Variants in SMOX observed in about 807,000 individuals in gnomAD.
SMOX encodes the protein spermine oxidase.
SMOX carries 22 observed loss-of-function variants against 51.0 expected under a neutral mutation model. The observed-to-expected ratio is 0.43, with a 90% CI of 0.31 to 0.62. The LOEUF (loss-of-function observed/expected upper bound fraction) is 0.62. Ranked by LOEUF, SMOX falls within the 20% of genes least tolerant of loss-of-function variation. The pLI is 0.10. For missense variants in SMOX, 566 were observed against 777.7 expected, an observed-to-expected ratio of 0.73 and a Z score of 3.24; for synonymous variants, 282 against 307.8, an observed-to-expected ratio of 0.92 and a Z score of 0.88.
At chr20:4,156,120 G>A (rs567793633) in intron 1 of SMOX, among the ~76,000 whole-genome samples, 5 of 152,304 alleles carry the variant, frequency 3.3e-5, no homozygotes, top group African/African-American at 9.6e-5. Context: ...ACTACCCTAC[G>A]GGAGATTCAG....
chr20:4,155,689 C>T (rs544633959), intron 1 of SMOX, among the ~76,000 whole-genome samples: 15 of 152,148 alleles, frequency 9.9e-5, no homozygotes, highest in South Asian at 2.1e-4. Flanking sequence ...AAAAACCATC[C>T]GGGTTGTTTT....
rs1294007935 is a variant in SMOX at position 4,177,673 on chromosome 20, A to G, written c.435+96A>G. On this transcript the variant is annotated intron_variant, in intron 3 of 6. Coordinates refer to ENST00000305958, the MANE Select transcript of SMOX (RefSeq NM_175839.3). This position sits in a 1 kb window ranked among gnomAD's most constrained non-coding sequence, Gnocchi z 4.3. ...TCTCTGCACACTCCCTGGGCCTTGC[A>G]TTTGGAAAACCAGGATAATGTGAGG... 8.6e-7 allele frequency: 1 copy of G among 1,163,364 alleles called. No homozygotes were observed. Among genetic ancestry groups the G allele is most frequent in the African/African-American group, 1.5e-5 (1 of 65,400 alleles). 72.1% of individuals were successfully genotyped at this position (1,163,364 alleles called of 1,614,324 possible).
rs528937966 is a variant in SMOX at position 4,186,563 on chromosome 20, C to T, written c.1531-707C>T. 2.0e-3 allele frequency among the ~76,000 whole-genome samples: 309 copies of T among 152,308 alleles called. 2 individuals are homozygous for T. The highest frequency in any genetic ancestry group is 7.1e-3 in the African/African-American group (293 of 41,560). On this transcript the variant is annotated intron_variant, in intron 6 of 6. Transcript: ENST00000305958. ...TTCCCTCTGTCTGAAATGTCCTTTG[C>T]CTGTCCGTTCACTCAGCATCTTCCG...
intron 1 of SMOX, among the ~76,000 whole-genome samples, chr20:4,151,182 G>A (rs1484457190): frequency 6.6e-6 from 1 of 152,024 alleles, no homozygotes; most frequent in African/African-American, 2.4e-5. Flanking sequence ...TCCACCAAGA[G>A]CAAGTCCTTT....
In SMOX at chr20:4,182,295, C is replaced by T. The variant is rs1979391476; in HGVS notation, c.816C>T (p.Arg272=). 4 of 1,606,138 alleles carry T rather than the reference C, an allele frequency of 2.5e-6. No homozygotes were observed. Among genetic ancestry groups the T allele is most frequent in the Non-Finnish European group, 3.4e-6 (4 of 1,174,430 alleles). Residue 272 remains arginine, a synonymous_variant, in exon 5 of 7, where the codon CGC becomes CGT. Coordinates refer to ENST00000305958, the MANE Select transcript of SMOX (RefSeq NM_175839.3). This position sits in a 1 kb window ranked among gnomAD's most constrained non-coding sequence, Gnocchi z 8.4. The stretch of plus-strand genomic sequence containing the variant: ...TTCACTGGGACCAGGCCTCAGCCCG[C>T]CCCAGAGGCCCTGAGATTGAGCCCC... The part of the protein sequence containing the change: ...RCIHWDQASA[R]PRGPEIEPRG...
chr20:4,183,749 A>G lies in SMOX; in HGVS notation c.1530+95A>G. ...AGGAGGGCTAGGGTAGTGTTCACTAAGGGGTGCTCAGGTGAGGCAGGGATG... is the reference window on the plus strand; with the variant it reads ...AGGAGGGCTAGGGTAGTGTTCACTAGGGGGTGCTCAGGTGAGGCAGGGATG... On this transcript the variant is annotated intron_variant, in intron 6 of 6. Coordinates refer to ENST00000305958, the MANE Select transcript of SMOX (RefSeq NM_175839.3). This position sits in a 1 kb window ranked among gnomAD's most constrained non-coding sequence, Gnocchi z 4.3. The G allele has an allele frequency of 7.2e-7, 1 of 1,387,558 alleles. No homozygotes were observed. The highest frequency in any genetic ancestry group is 9.4e-7 in the Non-Finnish European group (1 of 1,060,122). The allele number at this position is 1,387,558 out of a possible 1,614,324, so 86.0% of individuals were successfully genotyped here. A position where few individuals can be genotyped will look rare whatever the true frequency, so the allele number is the denominator to read the frequency against.
At position 4,153,055 on chromosome 20, in the gene SMOX, C is replaced by T. The variant is rs1985841127; in HGVS notation, c.-27+4078C>T. Among the ~76,000 whole-genome samples, 1 of 152,136 alleles carries T rather than the reference C, an allele frequency of 6.6e-6. No homozygotes were observed. The highest frequency in any genetic ancestry group is 1.5e-5 in the Non-Finnish European group (1 of 68,018). ...TTCCTGCCTCCCAGAGGTGCCTGGC[C>T]TTAGGGGCTGGGGAGGTGGGAAAGA... On this transcript the variant is annotated intron_variant, in intron 1 of 6. Coordinates refer to ENST00000305958, the MANE Select transcript of SMOX (RefSeq NM_175839.3). The surrounding 1 kb of genome is among the most constrained non-coding windows in gnomAD (Gnocchi z 4.4).
Position 4,170,416 on chromosome 20 carries a change from G to A in SMOX, c.-26-4614G>A, listed in dbSNP as rs1040926377. 2.0e-5 allele frequency among the ~76,000 whole-genome samples: 3 copies of A among 152,116 alleles called. No homozygotes were observed. Among genetic ancestry groups the A allele is most frequent in the Admixed American group, 6.6e-5 (1 of 15,266 alleles). ...AGACGTTGGAGACCAGGACTAACGC[G>A]TGTCTCTCTAGTATTTGGCCATTAG... On this transcript the variant is annotated intron_variant, in intron 1 of 6. Coordinates refer to ENST00000305958, the MANE Select transcript of SMOX (RefSeq NM_175839.3). This position sits in a 1 kb window ranked among gnomAD's most constrained non-coding sequence, Gnocchi z 4.6.
At chr20:4,161,733 T>G (rs983459082) in intron 1 of SMOX, among the ~76,000 whole-genome samples, 1 of 152,224 alleles carries the variant, frequency 6.6e-6, no homozygotes, top group Admixed American at 6.5e-5. Context: ...TTCCCTGACC[T>G]GACAGATCCT....
chr20:4,159,172 C>T (rs1343352806), intron 1 of SMOX, among the ~76,000 whole-genome samples: 3 of 151,984 alleles, frequency 2.0e-5, no homozygotes, highest in Admixed American at 6.6e-5. Context: ...AGTGCAATGG[C>T]GCGATCTTGG....
At chr20:4,178,686 T>C (rs1979078394) in intron 3 of SMOX, among the ~76,000 whole-genome samples, 1 of 91,016 alleles carries the variant, frequency 1.1e-5, no homozygotes, top group South Asian at 2.8e-4. Context: ...CTTTCTTTCT[T>C]TCTTTTTTTT....
At chr20:4,168,801 C>T (rs576415288) in intron 1 of SMOX, among the ~76,000 whole-genome samples, 14 of 152,124 alleles carry the variant, frequency 9.2e-5, no homozygotes, top group African/African-American at 3.4e-4. Context: ...AAGTGATCCG[C>T]CCGCCTCGGC....
In SMOX at chr20:4,187,610, C is replaced by T; in HGVS notation, c.*203C>T. 1 of 656,940 alleles carries T rather than the reference C, an allele frequency of 1.5e-6. No homozygotes were observed. The allele number at this position is 656,940 out of a possible 1,614,324, so 40.7% of individuals were successfully genotyped here. On this transcript the variant is annotated 3_prime_UTR_variant, in exon 7 of 7. Transcript: ENST00000305958. The surrounding 1 kb of genome is among the most constrained non-coding windows in gnomAD (Gnocchi z 4.8). ...CGTGAGCAGGTGGGCCGTTGAGTTACCTCTGTGCTGGATCCCGTGCCCCCA... is the reference window on the plus strand; with the variant it reads ...CGTGAGCAGGTGGGCCGTTGAGTTATCTCTGTGCTGGATCCCGTGCCCCCA...
At position 4,160,472 on chromosome 20, in the gene SMOX, C is replaced by T. The variant is rs116318758; in HGVS notation, c.-27+11495C>T. On this transcript the variant is annotated intron_variant, in intron 1 of 6. Coordinates refer to ENST00000305958, the MANE Select transcript of SMOX (RefSeq NM_175839.3). ...CCTGCCCCTCACTCCATCCAGGTGG[C>T]GTCTGTCATGCCTCTGAACCTCTTG... Among the ~76,000 whole-genome samples the T allele has an allele frequency of 1.9e-3, 285 of 152,266 alleles. 1 individual carries two copies. Among genetic ancestry groups the T allele is most frequent in the African/African-American group, 5.9e-3 (246 of 41,558 alleles).
rs1978708445 is a variant in SMOX, at chr20:4,174,912, C to T, written c.-26-118C>T. On this transcript the variant is annotated intron_variant, in intron 1 of 6. Transcript: ENST00000305958. ...GGTCCTCAGAGAGGGAGGGAGAGGACTCCAGGTCCCCCCACCCACAACAGA... is the reference window on the plus strand; with the variant it reads ...GGTCCTCAGAGAGGGAGGGAGAGGATTCCAGGTCCCCCCACCCACAACAGA... 7 of 1,014,910 alleles carry T rather than the reference C, an allele frequency of 6.9e-6. No homozygotes were observed. The South Asian group carries it at 1.1e-4, about 15-fold the overall frequency. 62.9% of individuals were successfully genotyped at this position (1,014,910 alleles called of 1,614,324 possible). A position where few individuals can be genotyped will look rare whatever the true frequency, so the allele number is the denominator to read the frequency against.
intron 1 of SMOX, among the ~76,000 whole-genome samples, chr20:4,158,069 T>A (rs1600798161): frequency 6.7e-6 from 1 of 148,746 alleles, no homozygotes; most frequent in South Asian, 2.1e-4. Flanking sequence ...CCCGGCTAAT[T>A]TTTTGTATTT....
At chr20:4,171,558 AC>A in intron 1 of SMOX, among the ~76,000 whole-genome samples, 1 of 152,248 alleles carries the variant, frequency 6.6e-6, no homozygotes, top group Admixed American at 6.5e-5. Flanking sequence ...CTTATCTGGG[AC>A]AGGGCCTGAG....
intron 1 of SMOX, among the ~76,000 whole-genome samples, chr20:4,151,123 C>T (rs567958510): frequency 1.3e-5 from 2 of 152,120 alleles, no homozygotes; most frequent in East Asian, 1.9e-4. Context: ...TGAACCACTG[C>T]GCCAGGCCCA....
At chr20:4,155,277 G>T (rs191544734) in intron 1 of SMOX, among the ~76,000 whole-genome samples, 69 of 152,280 alleles carry the variant, frequency 4.5e-4, no homozygotes, top group Non-Finnish European at 9.0e-4. Context: ...TCACCCCAGC[G>T]TGTGCAGTGC....
Sources: gnomAD v4.1 joint callset for allele counts (sites outside exome capture counted in the v4.1 genomes callset) on GRCh38, gnomAD v4.1.1 for gene constraint, Gnocchi (gnomAD v3.1) non-coding constraint, MANE v1.5 for transcripts, NCBI Gene and HGNC (gene_info 2026-07-23, HGNC 2026-07-21) for gene names.